CRTC1: variants seen among roughly 807,000 people sequenced by gnomAD.
CRTC1 encodes CREB-regulated transcription coactivator 1.
CRTC1 carries 18 observed loss-of-function variants against 66.1 expected under a neutral mutation model. The observed-to-expected ratio is 0.27, with a 90% confidence interval of 0.19 to 0.40. The LOEUF is 0.40. CRTC1 is among the 10% of genes least tolerant of loss of function. The pLI is 1.00. For synonymous variants in CRTC1, 416 were observed against 398.8 expected, an observed-to-expected ratio of 1.04 and a Z score of -0.51; for missense variants, 669 against 887.9, an observed-to-expected ratio of 0.75 and a Z score of 3.13.
chr19:18,719,908 G>A (rs1009838179), intron 1 of CRTC1, among the ~76,000 whole-genome samples: 2 of 152,224 alleles, frequency 1.3e-5, no homozygotes, highest in Non-Finnish European at 2.9e-5. Context: ...CCCCAGGCCC[G>A]TCCATGTGGG....
chr19:18,707,870 C>T (rs2053300649), intron 1 of CRTC1, among the ~76,000 whole-genome samples: 1 of 152,264 alleles, frequency 6.6e-6, no homozygotes, highest in Non-Finnish European at 1.5e-5. Context: ...CACTCTCCTC[C>T]TCCCAGCTAT....
intron 6 of CRTC1, among the ~76,000 whole-genome samples, chr19:18,755,626 G>GA (rs1487178777): frequency 2.5e-5 from 3 of 119,300 alleles, no homozygotes; most frequent in African/African-American, 9.5e-5. Context: ...TTTCTGAGAT[G>GA]GAGTTTCACT....
intron 1 of CRTC1, among the ~76,000 whole-genome samples, chr19:18,685,131 A>T (rs2052657393): frequency 6.6e-6 from 1 of 152,118 alleles, no homozygotes; most frequent in South Asian, 2.1e-4. Flanking sequence ...TAGCACTTTC[A>T]GTCTGTGTTA....
chr19:18,744,065 C>A, intron 2 of CRTC1: 1 of 1,608,188 alleles, frequency 6.2e-7, no homozygotes, highest in East Asian at 2.2e-5. Flanking sequence ...TGGGGCCAGG[C>A]AAGGCAGCAG....
At position 18,778,801 on chromosome 19, in the gene CRTC1, CTGGG is replaced by C. The variant is rs1158563467; in HGVS notation, c.*1423_*1426del. 3 of 231,346 alleles carry C rather than the reference CTGGG, an allele frequency of 1.3e-5. No individual in the cohort carries two copies. The highest frequency in any genetic ancestry group is 6.6e-5 in the African/African-American group (3 of 45,238). 14.3% of individuals were successfully genotyped at this position (231,346 alleles called of 1,614,324 possible). On this transcript the variant is annotated 3_prime_UTR_variant, in exon 14 of 14. Transcript: ENST00000321949. ...GAGGACCACGGTCCTCCCTGAGAAC[CTGGG>C]TGGAACTGGCATTTCATCCCCTCTC...
chr19:18,747,243 G>A, intron 4 of CRTC1, 129 bp downstream of exon 4: 2 of 654,242 alleles, frequency 3.1e-6, no homozygotes, highest in Non-Finnish European at 5.2e-6. Context: ...GCATCCAGAA[G>A]TTTCTAGAAA....
chr19:18,744,043 G>T, intron 2 of CRTC1: 1 of 1,567,892 alleles, frequency 6.4e-7, no homozygotes, highest in South Asian at 1.1e-5. Flanking sequence ...GAGGTCCCAC[G>T]CATCCCGCCT....
At chr19:18,772,524 G>A (rs148804049) in intron 11 of CRTC1, among the ~76,000 whole-genome samples, 13 of 152,266 alleles carry the variant, frequency 8.5e-5, no homozygotes, top group African/African-American at 1.9e-4. Context: ...GGATGCTCTC[G>A]TCCTACTTCC....
At chr19:18,774,742 TG>T (rs1481669056) in intron 11 of CRTC1, among the ~76,000 whole-genome samples, 157 bp from the exon 12 acceptor site, 3 of 152,060 alleles carry the variant, frequency 2.0e-5, no homozygotes, top group Admixed American at 6.5e-5. Flanking sequence ...CATCCAGGAT[TG>T]GGGGGCACTT....
chr19:18,776,904 C>T (rs547062775), intron 13 of CRTC1, among the ~76,000 whole-genome samples: 8 of 152,302 alleles, frequency 5.3e-5, no homozygotes, highest in African/African-American at 1.9e-4. Context: ...TGACACAGCC[C>T]TTGGCCCGAG....
At chr19:18,699,070 G>A (rs1568482416) in intron 1 of CRTC1, among the ~76,000 whole-genome samples, 1 of 151,694 alleles carries the variant, frequency 6.6e-6, no homozygotes, top group Non-Finnish European at 1.5e-5. Context: ...TTTAGCAGGC[G>A]CTCAGCAGGC....
chr19:18,759,787 C>T (rs1462727959), intron 7 of CRTC1, among the ~76,000 whole-genome samples, 196 bp downstream of exon 7: 1 of 152,102 alleles, frequency 6.6e-6, no homozygotes, highest in Admixed American at 6.5e-5. Flanking sequence ...CTCCTGGGTT[C>T]AGGGAGGTTG....
chr19:18,750,089 AAAC>A (rs2054330413), intron 5 of CRTC1, among the ~76,000 whole-genome samples: 1 of 152,236 alleles, frequency 6.6e-6, no homozygotes, highest in South Asian at 2.1e-4. Flanking sequence ...TAGGCAGAGA[AAAC>A]AACCCTGCAG....
Position 18,777,633 on chromosome 19 carries a change from C to A in CRTC1, c.*251C>A. Reference sequence around the variant, plus strand: ...GATCGGAGGCCGTGAGCCTCCCGCCCCTGCAGACCCTCCCTGCACTGGCTC... The same window carrying A: ...GATCGGAGGCCGTGAGCCTCCCGCCACTGCAGACCCTCCCTGCACTGGCTC... On this transcript the variant is annotated 3_prime_UTR_variant, in exon 14 of 14. Transcript: ENST00000321949. This position sits in a 1 kb window ranked among gnomAD's most constrained non-coding sequence, Gnocchi z 5.5. The A allele has an allele frequency of 3.9e-6, 2 of 509,230 alleles. No homozygotes were observed. The highest frequency in any genetic ancestry group is 3.6e-5 in the East Asian group (1 of 27,442). The allele number at this position is 509,230 out of a possible 1,614,324, so 31.5% of individuals were successfully genotyped here.
Position 18,778,028 on chromosome 19 carries a change from G to A in CRTC1, c.*646G>A. 4.3e-6 allele frequency: 1 copy of A among 234,670 alleles called. No homozygotes were observed. Among genetic ancestry groups the A allele is most frequent in the Non-Finnish European group, 8.4e-6 (1 of 119,184 alleles). 14.5% of individuals were successfully genotyped at this position (234,670 alleles called of 1,614,324 possible). A position where few individuals can be genotyped will look rare whatever the true frequency, so the allele number is the denominator to read the frequency against. ...GGCGCAAAGTGGACAGAGCATGCAG[G>A]GCGGCGGACCCCCCCACGACCCTCC... On this transcript the variant is annotated 3_prime_UTR_variant, in exon 14 of 14. Transcript: ENST00000321949.
At chr19:18,698,535 TACTCAGCAGGC>T (rs2053052966) in intron 1 of CRTC1, among the ~76,000 whole-genome samples, 2 of 150,048 alleles carry the variant, frequency 1.3e-5, no homozygotes, top group Non-Finnish European at 3.0e-5. Flanking sequence ...GCACAGTGTG[TACTCAGCAGGC>T]ACTCAGCAGG....
At chr19:18,754,783 T>C (rs982746584) in intron 6 of CRTC1, among the ~76,000 whole-genome samples, 1 of 152,068 alleles carries the variant, frequency 6.6e-6, no homozygotes, top group African/African-American at 2.4e-5. Context: ...GATAAGAATA[T>C]TGGAAAAGGC....
chr19:18,774,842 G>C, intron 11 of CRTC1, 58 bp from the exon 12 acceptor site: 1 of 1,556,566 alleles, frequency 6.4e-7, no homozygotes, highest in African/African-American at 1.3e-5. Flanking sequence ...CTTGGGAGGT[G>C]CCGACTTCCC....
intron 13 of CRTC1, 55 bp downstream of exon 13, chr19:18,775,876 G>T: frequency 6.7e-7 from 1 of 1,498,258 alleles, no homozygotes; most frequent in South Asian, 1.3e-5. Flanking sequence ...CAGCCCGTGC[G>T]GAGACAGCCA....
Sources: allele counts gnomAD v4.1 joint callset (sites outside exome capture counted in the v4.1 genomes callset), GRCh38; gene constraint gnomAD v4.1.1; non-coding constraint Gnocchi (gnomAD v3.1); transcripts MANE v1.5; gene names NCBI Gene and HGNC (gene_info 2026-07-23, HGNC 2026-07-21).